The following SNTG2 variants were observed in gnomAD, a reference collection of about 807,000 sequenced individuals.
SNTG2 encodes gamma-2-syntrophin.
A neutral mutation model predicts 70.9 loss-of-function variants in SNTG2; 74 were observed. The observed-to-expected ratio is 1.04, with a 90% CI of 0.86 to 1.27. The LOEUF is 1.27. Among genes scored for constraint, SNTG2 ranks in the 50% most tolerant of loss-of-function variants. SNTG2 has a pLI of 0.00. For missense variants in SNTG2, 717 were observed against 690.7 expected (o/e 1.04, Z -0.43); for synonymous variants, 278 against 273.8 (o/e 1.02, Z -0.15).
chr2:1,230,450 A>G (rs1233482467), intron 9 of SNTG2, among the ~76,000 whole-genome samples: 2 of 152,146 alleles, frequency 1.3e-5, no homozygotes, highest in African/African-American at 4.8e-5. Flanking sequence ...CTTCACCTGG[A>G]TGAAAAGCGA....
At chr2:1,077,774 C>G (rs1324055661) in intron 1 of SNTG2, among the ~76,000 whole-genome samples, 2 of 152,130 alleles carry the variant, frequency 1.3e-5, no homozygotes, top group African/African-American at 2.4e-5. Flanking sequence ...CTGGAACGAA[C>G]TTTGTGAAAT....
chr2:1,312,628 C>G (rs963939762), intron 15 of SNTG2, among the ~76,000 whole-genome samples: 1 of 152,068 alleles, frequency 6.6e-6, no homozygotes, highest in African/African-American at 2.4e-5. Flanking sequence ...CTTGGGGACA[C>G]GTTGAAAAGC....
intron 1 of SNTG2, among the ~76,000 whole-genome samples, chr2:1,017,680 C>A (rs1312221141): frequency 6.6e-6 from 1 of 152,146 alleles, no homozygotes; most frequent in Non-Finnish European, 1.5e-5. Flanking sequence ...TAAGAGCTCA[C>A]GTATACATAA....
chr2:1,019,775 G>T (rs548429590), intron 1 of SNTG2, among the ~76,000 whole-genome samples: 2 of 152,162 alleles, frequency 1.3e-5, no homozygotes, highest in African/African-American at 4.8e-5. Context: ...GAGGCCAGGC[G>T]TGGTGGCTCA....
intron 16 of SNTG2, among the ~76,000 whole-genome samples, chr2:1,356,846 G>A (rs74957467): frequency 2.0e-5 from 3 of 151,844 alleles, no homozygotes; most frequent in Non-Finnish European, 2.9e-5. Flanking sequence ...TTGCAATAGT[G>A]CATTATAGTT....
intron 1 of SNTG2, among the ~76,000 whole-genome samples, chr2:995,927 G>T (rs569281631): frequency 1.3e-5 from 2 of 152,022 alleles, no homozygotes; most frequent in African/African-American, 4.8e-5. Context: ...AATTTTGCTC[G>T]AAAAAGACAA....
chr2:1,083,983 G>A (rs2148173280), intron 2 of SNTG2, among the ~76,000 whole-genome samples: 1 of 151,844 alleles, frequency 6.6e-6, no homozygotes, highest in African/African-American at 2.4e-5. Context: ...GGAGGTTTCA[G>A]TGAGCCAAGA....
chr2:1,070,436 G>A (rs930574065), intron 1 of SNTG2, among the ~76,000 whole-genome samples: 1 of 152,128 alleles, frequency 6.6e-6, no homozygotes, highest in Non-Finnish European at 1.5e-5. Context: ...CGTTGATGAG[G>A]GTTAAATGGA....
intron 1 of SNTG2, among the ~76,000 whole-genome samples, chr2:1,061,296 G>A (rs1662808931): frequency 6.6e-6 from 1 of 152,132 alleles, no homozygotes; most frequent in African/African-American, 2.4e-5. Flanking sequence ...CATTTTTAAG[G>A]CAATTAACAA....
At chr2:1,052,063 T>C (rs1229073909) in intron 1 of SNTG2, among the ~76,000 whole-genome samples, 1 of 152,154 alleles carries the variant, frequency 6.6e-6, no homozygotes, top group Non-Finnish European at 1.5e-5. Flanking sequence ...TTTTTATTTA[T>C]ATTCATGGGG....
intron 1 of SNTG2, among the ~76,000 whole-genome samples, chr2:997,630 C>G (rs1273279118): frequency 6.6e-6 from 1 of 152,172 alleles, no homozygotes; most frequent in Non-Finnish European, 1.5e-5. Flanking sequence ...CTCCCCATCA[C>G]TCACCTCAGC....
intron 1 of SNTG2, among the ~76,000 whole-genome samples, chr2:1,056,958 GA>G (rs1356580852): frequency 0.039 from 12 of 310 alleles, no homozygotes; most frequent in Admixed American, 0.1. Context: ...CCGCTGTGGG[GA>G]GGGAGGGAGG....
At chr2:1,224,604 G>C (rs1422859327) in intron 9 of SNTG2, among the ~76,000 whole-genome samples, 1 of 152,206 alleles carries the variant, frequency 6.6e-6, no homozygotes, top group African/African-American at 2.4e-5. Flanking sequence ...GGGAGGAGGA[G>C]GTACAGACAG....
chr2:1,278,741 C>T (rs1354815013), intron 14 of SNTG2, among the ~76,000 whole-genome samples: 1 of 152,202 alleles, frequency 6.6e-6, no homozygotes, highest in East Asian at 1.9e-4. Flanking sequence ...GTAAGTGTGA[C>T]ATACAGTAGT....
intron 12 of SNTG2, 107 bp downstream of exon 12, chr2:1,247,550 G>T (rs1038875091): frequency 1.7e-5 from 13 of 744,286 alleles, no homozygotes; most frequent in Non-Finnish European, 2.3e-5. Context: ...CAGAGTGCTT[G>T]GTCCTGCCGT....
chr2:986,065 A>AACAG (rs1491475263), intron 1 of SNTG2, among the ~76,000 whole-genome samples: 2 of 62,834 alleles, frequency 3.2e-5, no homozygotes, highest in African/African-American at 5.5e-5. Context: ...CCCTGCAAAT[A>AACAG]ATAGAGAGAG....
intron 16 of SNTG2, among the ~76,000 whole-genome samples, chr2:1,347,095 A>T (rs1660331519): frequency 6.6e-6 from 1 of 152,138 alleles, no homozygotes; most frequent in Non-Finnish European, 1.5e-5. Context: ...AAGAGGAAAA[A>T]AAAAGGTGAG....
At chr2:1,029,689 G>T (rs569000162) in intron 1 of SNTG2, among the ~76,000 whole-genome samples, 1 of 152,252 alleles carries the variant, frequency 6.6e-6, no homozygotes, top group Non-Finnish European at 1.5e-5. Flanking sequence ...CGCCGCCAAG[G>T]TGCACTCATT....
chr2:984,243 C>T (rs1032383229), intron 1 of SNTG2, among the ~76,000 whole-genome samples: 2 of 147,896 alleles, frequency 1.4e-5, no homozygotes, highest in Admixed American at 7.0e-5. Flanking sequence ...CCCACTTTTA[C>T]CCAAAAGAAA....
Sources: gnomAD v4.1 joint callset for allele counts (sites outside exome capture counted in the v4.1 genomes callset) on GRCh38, gnomAD v4.1.1 for gene constraint, MANE v1.5 for transcripts, NCBI Gene and HGNC (gene_info 2026-07-23, HGNC 2026-07-21) for gene names.